Variants in SMYD3 observed in about 807,000 individuals in gnomAD.
SMYD3 encodes the protein histone-lysine N-methyltransferase SMYD3.
A neutral mutation model predicts 57.7 loss-of-function variants in SMYD3; 36 were observed. The observed-to-expected ratio is 0.62, with a 90% CI of 0.48 to 0.82. The LOEUF (loss-of-function observed/expected upper bound fraction) is 0.82, where lower values mean the gene tolerates loss of function less well. Among genes scored for constraint, SMYD3 ranks in the 40% least tolerant of loss-of-function variants. The pLI is 0.00. For synonymous variants in SMYD3, 211 were observed against 195.0 expected (o/e 1.08, Z -0.68); for missense variants, 515 against 538.8 (o/e 0.96, Z 0.44).
intron 5 of SMYD3, among the ~76,000 whole-genome samples, chr1:246,311,616 T>TCACACG (rs58836727): frequency 2.6e-5 from 4 of 152,158 alleles, no homozygotes; most frequent in Non-Finnish European, 5.9e-5. Flanking sequence ...CCTTGAACAC[T>TCACACG]CACACGCACA....
intron 5 of SMYD3, among the ~76,000 whole-genome samples, chr1:246,249,175 G>A (rs12401510): frequency 0.21 from 31,455 of 151,662 alleles, 3,967 homozygotes; most frequent in East Asian, 0.58. Flanking sequence ...AAAGTGGTGC[G>A]ATCTCTGGCT....
chr1:246,402,543 T>C (rs10924720), intron 1 of SMYD3, among the ~76,000 whole-genome samples: 66,878 of 151,138 alleles, frequency 0.44, 15,446 homozygotes, highest in Admixed American at 0.54. Flanking sequence ...TCAAACATCA[T>C]TGAACTATTT....
chr1:246,480,631 C>T (rs2068087980), intron 1 of SMYD3, among the ~76,000 whole-genome samples: 2 of 152,102 alleles, frequency 1.3e-5, no homozygotes, highest in African/African-American at 2.4e-5. Flanking sequence ...TGCTCCCTTA[C>T]AAAATGTCAC....
intron 1 of SMYD3, among the ~76,000 whole-genome samples, chr1:246,468,869 A>T (rs189638949): frequency 8.7e-4 from 132 of 152,142 alleles, no homozygotes; most frequent in Non-Finnish European, 1.6e-3. Flanking sequence ...CTAGGTACTT[A>T]GGAGGCTAAG....
intron 5 of SMYD3, among the ~76,000 whole-genome samples, chr1:246,277,639 G>A (rs1008571945): frequency 1.3e-5 from 2 of 152,196 alleles, no homozygotes; most frequent in African/African-American, 4.8e-5. Flanking sequence ...ATGTTCATCA[G>A]CAGGTGAATG....
chr1:246,285,727 T>C (rs906889694), intron 5 of SMYD3, among the ~76,000 whole-genome samples: 3 of 151,832 alleles, frequency 2.0e-5, no homozygotes, highest in African/African-American at 7.2e-5. Flanking sequence ...TGGGAGAAAA[T>C]CTTCACAATC....
chr1:245,798,371 C>T (rs953467391), intron 10 of SMYD3, among the ~76,000 whole-genome samples: 11 of 105,162 alleles, frequency 1.0e-4, no homozygotes, highest in African/African-American at 3.4e-4. Context: ...AGGATCTTGA[C>T]CTGTCAACAC....
At chr1:245,857,229 G>A (rs1265863109) in intron 10 of SMYD3, among the ~76,000 whole-genome samples, 1 of 152,240 alleles carries the variant, frequency 6.6e-6, no homozygotes, top group Non-Finnish European at 1.5e-5. Context: ...GGCACTGGCT[G>A]GCCAGGGACC....
In SMYD3 at chr1:246,247,487, T is replaced by TA. The variant is rs1558347068; in HGVS notation, c.531+79713_531+79714insT. On this transcript the variant is annotated intron_variant, in intron 5 of 11. Coordinates refer to ENST00000490107, the MANE Select transcript of SMYD3 (RefSeq NM_001167740.2). ...TCTCTATATATATATATATATATAT[T>TA]TTTTAACATGGGACTCATATATATA... Among the ~76,000 whole-genome samples, 225 of 141,284 alleles carry TA rather than the reference T, an allele frequency of 1.6e-3. 6 individuals carry two copies. The East Asian group carries it at 0.025, about 15-fold the overall frequency. The allele number at this position is 141,284 out of a possible 152,430, so 92.7% of individuals were successfully genotyped here. A position where few individuals can be genotyped will look rare whatever the true frequency, so the allele number is the denominator to read the frequency against.
intron 5 of SMYD3, among the ~76,000 whole-genome samples, chr1:246,061,001 G>A (rs1286143844): frequency 5.3e-5 from 8 of 152,172 alleles, no homozygotes; most frequent in African/African-American, 1.9e-4. Flanking sequence ...GCCGAGGCGG[G>A]CGGATCATGA....
At chr1:245,947,000 G>GA (rs2057447842) in intron 5 of SMYD3, among the ~76,000 whole-genome samples, 1 of 152,196 alleles carries the variant, frequency 6.6e-6, no homozygotes, top group Non-Finnish European at 1.5e-5. Context: ...GAATCTGCCA[G>GA]ATCAATTTAG....
At chr1:246,248,550 T>C (rs1475424854) in intron 5 of SMYD3, among the ~76,000 whole-genome samples, 2 of 151,884 alleles carry the variant, frequency 1.3e-5, no homozygotes, top group African/African-American at 4.8e-5. Flanking sequence ...ATGCTCTAAT[T>C]GTGTTATTAG....
At chr1:245,851,959 C>T (rs2050996848) in intron 10 of SMYD3, among the ~76,000 whole-genome samples, 2 of 152,170 alleles carry the variant, frequency 1.3e-5, no homozygotes, top group South Asian at 2.1e-4. Flanking sequence ...GAATGGGTCA[C>T]CTCCCCTTCC....
chr1:246,301,407 G>C lies in SMYD3; in HGVS notation c.531+25794C>G, dbSNP rs574552142. Among the ~76,000 whole-genome samples, 4 of 152,188 alleles carry C rather than the reference G, an allele frequency of 2.6e-5. No homozygotes were observed. The South Asian group carries it at 8.3e-4, about 32-fold the overall frequency. ...TGCTGGAAAAATTCCATAGGTGCCC[G>C]AAAGGGAGGTAGTACACTTCCTGCA... On this transcript the variant is annotated intron_variant, in intron 5 of 11. Transcript: ENST00000490107.
At chr1:245,806,775 TG>T (rs1284392110) in intron 10 of SMYD3, among the ~76,000 whole-genome samples, 6 of 150,742 alleles carry the variant, frequency 4.0e-5, no homozygotes, top group African/African-American at 1.2e-4. Context: ...CCGGGCGCGG[TG>T]GCGGGCGCCT....
intron 9 of SMYD3, among the ~76,000 whole-genome samples, chr1:245,859,957 G>A (rs2051447370): frequency 6.6e-6 from 1 of 152,234 alleles, no homozygotes; most frequent in Admixed American, 6.5e-5. Context: ...AAATGACACA[G>A]TTCATGATGT....
intron 5 of SMYD3, among the ~76,000 whole-genome samples, chr1:246,237,033 A>G (rs1246692291): frequency 2.6e-5 from 4 of 152,200 alleles, no homozygotes; most frequent in Non-Finnish European, 4.4e-5. Context: ...CCATTAATAC[A>G]TCAAGAAAAA....
intron 1 of SMYD3, among the ~76,000 whole-genome samples, chr1:246,372,049 G>C (rs1020293739): frequency 2.0e-5 from 3 of 152,114 alleles, no homozygotes; most frequent in Non-Finnish European, 4.4e-5. Flanking sequence ...AGTTTATAAA[G>C]AAAGACTAGC....
intron 5 of SMYD3, among the ~76,000 whole-genome samples, chr1:245,981,474 A>G (rs1310648139): frequency 6.6e-6 from 1 of 152,272 alleles, no homozygotes; most frequent in Non-Finnish European, 1.5e-5. Context: ...CCTTCTATGT[A>G]TATACATTTA....
Sources: allele counts gnomAD v4.1 joint callset (sites outside exome capture counted in the v4.1 genomes callset), GRCh38; gene constraint gnomAD v4.1.1; transcripts MANE v1.5; gene names NCBI Gene and HGNC (gene_info 2026-07-23, HGNC 2026-07-21).